DGKB: variants seen among roughly 807,000 people sequenced by gnomAD.
The protein encoded by DGKB is diacylglycerol kinase beta, also known as 90 kDa diacylglycerol kinase.
DGKB carries 67 observed loss-of-function variants against 114.3 expected under a neutral mutation model. The observed-to-expected ratio is 0.59, with a 90% CI of 0.48 to 0.72. The LOEUF is 0.72. DGKB is among the 30% of genes least tolerant of loss of function. DGKB has a pLI of 0.00. For missense variants in DGKB, 907 were observed against 975.2 expected, an observed-to-expected ratio of 0.93 and a Z score of 0.93; for synonymous variants, 398 against 323.1, an observed-to-expected ratio of 1.23 and a Z score of -2.49.
chr7:14,282,932 A>C (rs1584922871), intron 23 of DGKB, among the ~76,000 whole-genome samples: 1 of 152,118 alleles, frequency 6.6e-6, no homozygotes, highest in African/African-American at 2.4e-5. Flanking sequence ...AACTGGAAGC[A>C]TTCCCTTTGA....
chr7:14,694,200 G>A lies in DGKB; in HGVS notation c.592-6C>T. ...TCCATCATTTCATGGAGGATCTGGA[G>A]TAGAGGAGATAAGGGAAAATTGGTG... On this transcript the variant is annotated splice_region_variant and splice_polypyrimidine_tract_variant and intron_variant, in intron 8 of 25. Transcript: ENST00000402815. 2 of 1,559,656 alleles carry A rather than the reference G, an allele frequency of 1.3e-6. No individual in the cohort carries two copies. Among genetic ancestry groups the A allele is most frequent in the Non-Finnish European group, 1.7e-6 (2 of 1,151,088 alleles).
intron 9 of DGKB, among the ~76,000 whole-genome samples, chr7:14,688,936 A>G (rs1268183987): frequency 6.6e-6 from 1 of 151,990 alleles, no homozygotes; most frequent in African/African-American, 2.4e-5. Context: ...ATCACATAAA[A>G]TGTTCAAGTG....
intron 23 of DGKB, chr7:14,209,659 T>C: frequency 2.8e-6 from 1 of 358,292 alleles, no homozygotes; most frequent in South Asian, 2.2e-5. Context: ...CGTTTATCTT[T>C]GGAAAAAATA....
intron 1 of DGKB, among the ~76,000 whole-genome samples, chr7:14,878,757 A>AAAAC (rs1554325425): frequency 3.4e-5 from 5 of 146,278 alleles, no homozygotes; most frequent in African/African-American, 1.2e-4. Context: ...TCAAAAAACA[A>AAAAC]AAAAAAAAAA....
chr7:14,572,079 C>A (rs1485374963), intron 20 of DGKB, among the ~76,000 whole-genome samples: 1 of 152,078 alleles, frequency 6.6e-6, no homozygotes, highest in Non-Finnish European at 1.5e-5. Context: ...TGATGGGGCA[C>A]AGATATTTGA....
intron 20 of DGKB, among the ~76,000 whole-genome samples, chr7:14,519,537 C>T (rs10245171): frequency 0.34 from 51,318 of 151,768 alleles, 9,329 homozygotes; most frequent in Admixed American, 0.45. Flanking sequence ...AGAATAATGT[C>T]GATATGAATA....
chr7:14,320,021 C>A (rs1020528122), intron 23 of DGKB, among the ~76,000 whole-genome samples: 11 of 152,166 alleles, frequency 7.2e-5, no homozygotes, highest in Admixed American at 1.3e-4. Flanking sequence ...TCCACTACCC[C>A]AAAAGCAGCA....
chr7:14,523,901 G>T (rs1790203088), intron 20 of DGKB, among the ~76,000 whole-genome samples: 1 of 152,002 alleles, frequency 6.6e-6, no homozygotes, highest in Admixed American at 6.6e-5. Context: ...CTTATTGAGG[G>T]GTTACAGTGT....
At chr7:14,410,161 A>G (rs968074233) in intron 21 of DGKB, among the ~76,000 whole-genome samples, 2 of 151,416 alleles carry the variant, frequency 1.3e-5, no homozygotes, top group Non-Finnish European at 2.9e-5. Flanking sequence ...TGTCTCAGGT[A>G]TTCTTCCATC....
intron 16 of DGKB, among the ~76,000 whole-genome samples, chr7:14,611,201 C>G (rs968024680): frequency 6.6e-6 from 1 of 152,086 alleles, no homozygotes; most frequent in African/African-American, 2.4e-5. Context: ...TTTGATAGCA[C>G]TTTTATCTTA....
At chr7:14,766,338 G>A (rs900354431) in intron 2 of DGKB, among the ~76,000 whole-genome samples, 2 of 151,932 alleles carry the variant, frequency 1.3e-5, no homozygotes, top group Non-Finnish European at 2.9e-5. Context: ...GCATGGAGGT[G>A]TTAGTGGTGG....
chr7:14,953,441 A>G (rs186307935), intron 1 of DGKB, among the ~76,000 whole-genome samples: 22 of 152,268 alleles, frequency 1.4e-4, no homozygotes, highest in African/African-American at 4.6e-4. Context: ...TGATAAGCAC[A>G]TAAAACAATG....
At chr7:14,217,628 GAGA>G (rs1227293280) in intron 23 of DGKB, among the ~76,000 whole-genome samples, 3 of 151,308 alleles carry the variant, frequency 2.0e-5, no homozygotes, top group African/African-American at 7.3e-5. Flanking sequence ...ACATGAGAAG[GAGA>G]AGAACAGGCC....
In DGKB at chr7:14,471,178, T is replaced by C. The variant is rs1267295401; in HGVS notation, c.1835+6983A>G. Among the ~76,000 whole-genome samples, 7 of 120,974 alleles carry C rather than the reference T, an allele frequency of 5.8e-5. 2 individuals are homozygous for C. Among genetic ancestry groups the C allele is most frequent in the African/African-American group, 2.1e-4 (7 of 33,548 alleles). The allele number at this position is 120,974 out of a possible 152,430, so 79.4% of individuals were successfully genotyped here. On this transcript the variant is annotated intron_variant, in intron 21 of 25. Transcript: ENST00000402815. ...TAATTTTCCATATATATGGAATATA[T>C]GTATATATACATATATGTATGGAAT...
chr7:14,674,057 T>G (rs1819449727), intron 12 of DGKB, among the ~76,000 whole-genome samples: 1 of 152,138 alleles, frequency 6.6e-6, no homozygotes, highest in African/African-American at 2.4e-5. Context: ...GAGAGTTGAT[T>G]TATTTTTAGT....
chr7:14,858,383 C>G (rs1850488584), intron 1 of DGKB, among the ~76,000 whole-genome samples: 1 of 152,054 alleles, frequency 6.6e-6, no homozygotes, highest in Non-Finnish European at 1.5e-5. Context: ...ATACTTTTCT[C>G]TTACTTATTT....
Position 14,837,772 on chromosome 7 carries a change from C to T in DGKB, c.70+3422G>A, listed in dbSNP as rs547015463. 1.1e-4 allele frequency among the ~76,000 whole-genome samples: 16 copies of T among 152,208 alleles called. No individual in the cohort carries two copies. In the East Asian group the frequency reaches 2.7e-3, roughly 26 times the overall value. On this transcript the variant is annotated intron_variant, in intron 2 of 25. Transcript: ENST00000402815. ...AAAAATGAATGACTTCTATAATCTT[C>T]AGGATGATGTTTGTTTCCTGTTATA...
At chr7:14,721,456 A>G (rs568682451) in intron 5 of DGKB, among the ~76,000 whole-genome samples, 30 of 152,236 alleles carry the variant, frequency 2.0e-4, no homozygotes, top group African/African-American at 7.0e-4. Flanking sequence ...AATATTTTCC[A>G]TTTTCTTTTC....
At chr7:14,910,262 GAAAGAAAGAAAGAAAGAA>G (rs1562868982) in intron 1 of DGKB, among the ~76,000 whole-genome samples, 6,507 of 116,802 alleles carry the variant, frequency 0.056, 246 homozygotes, top group Non-Finnish European at 0.079. Context: ...AAGAAAGAAA[GAAAGAAAGAAAGAAAGAA>G]AGAAAGAAAG....
Sources: allele counts gnomAD v4.1 joint callset (sites outside exome capture counted in the v4.1 genomes callset), GRCh38; gene constraint gnomAD v4.1.1; transcripts MANE v1.5; gene names NCBI Gene and HGNC (gene_info 2026-07-23, HGNC 2026-07-21).